Variants in CLVS1 observed in about 807,000 individuals in gnomAD.
The protein encoded by CLVS1 is clavesin-1.
A neutral mutation model predicts 33.1 loss-of-function variants in CLVS1; 10 were observed. The ratio of observed to expected loss-of-function variants is 0.30; its 90% CI spans 0.19 to 0.51. The LOEUF (loss-of-function observed/expected upper bound fraction) is 0.51, where lower values mean the gene tolerates loss of function less well. Among genes scored for constraint, CLVS1 ranks in the 20% least tolerant of loss-of-function variants. The pLI is 0.97. For missense variants in CLVS1, 343 were observed against 433.4 expected (o/e 0.79, Z 1.85); for synonymous variants, 163 against 166.1 (o/e 0.98, Z 0.14).
chr8:61,208,584 C>G (rs1031009974), intron 2 of CLVS1, among the ~76,000 whole-genome samples: 1 of 151,912 alleles, frequency 6.6e-6, no homozygotes, highest in Non-Finnish European at 1.5e-5. Flanking sequence ...ATTGACTGCA[C>G]CCCATTTTTT....
At chr8:61,359,488 TG>T (rs369706897) in intron 2 of CLVS1, among the ~76,000 whole-genome samples, 15 of 152,146 alleles carry the variant, frequency 9.9e-5, no homozygotes, top group African/African-American at 3.4e-4. Flanking sequence ...CCTGAGAAGC[TG>T]GGGTGATAGG....
intron 2 of CLVS1, among the ~76,000 whole-genome samples, chr8:61,323,094 T>C (rs1253885263): frequency 6.6e-6 from 1 of 152,174 alleles, no homozygotes; most frequent in African/African-American, 2.4e-5. Flanking sequence ...CTATTTCTTA[T>C]GATTCTGTAT....
chr8:60,992,280 T>C, the CLVS1 span, among the ~76,000 whole-genome samples: 6 of 152,228 alleles, frequency 3.9e-5, no homozygotes, highest in Non-Finnish European at 8.8e-5. Context: ...TCGTTTTTTT[T>C]CCTGTGTTCT....
At chr8:61,362,275 A>G (rs1430321609) in intron 2 of CLVS1, among the ~76,000 whole-genome samples, 1 of 152,204 alleles carries the variant, frequency 6.6e-6, no homozygotes, top group African/African-American at 2.4e-5. Context: ...CAAAGTGGAG[A>G]AGGGAAAGAA....
chr8:61,143,872 C>T (rs1160758457), intron 2 of CLVS1, among the ~76,000 whole-genome samples: 2 of 147,008 alleles, frequency 1.4e-5, no homozygotes, highest in Non-Finnish European at 3.0e-5. Context: ...ATAATATTCT[C>T]ATATTAAAAT....
chr8:61,162,201 T>A (rs1806766952), intron 2 of CLVS1, among the ~76,000 whole-genome samples: 2 of 152,262 alleles, frequency 1.3e-5, no homozygotes, highest in South Asian at 2.1e-4. Context: ...CCCCTCATTT[T>A]CTTCTCCCCT....
At chr8:61,096,646 C>G (rs1005206862) in intron 1 of CLVS1, among the ~76,000 whole-genome samples, 3 of 152,096 alleles carry the variant, frequency 2.0e-5, no homozygotes, top group East Asian at 1.9e-4. Flanking sequence ...GTTTTTCCCC[C>G]CTCTTATACC....
intron 3 of CLVS1, among the ~76,000 whole-genome samples, chr8:61,440,164 T>G (rs73685035): frequency 6.6e-6 from 1 of 152,200 alleles, no homozygotes; most frequent in Non-Finnish European, 1.5e-5. Flanking sequence ...TCTTGTATAT[T>G]GCTGCACCTC....
At chr8:61,304,945 G>A (rs1810569419) in intron 2 of CLVS1, among the ~76,000 whole-genome samples, 1 of 152,158 alleles carries the variant, frequency 6.6e-6, no homozygotes, top group African/African-American at 2.4e-5. Context: ...GGTGTCCAAA[G>A]GCCAAATAGA....
rs544134520 is a variant in CLVS1, at chr8:61,346,563, C to A, written c.456-30042C>A. On this transcript the variant is annotated intron_variant, in intron 2 of 5. Coordinates refer to ENST00000325897, the MANE Select transcript of CLVS1 (RefSeq NM_173519.3). ...ATGTATCTAATTAAAAGGCAGCACA[C>A]AATTAATTTCTGTTTGTTATCCCTT... Among the ~76,000 whole-genome samples, 7 of 152,268 alleles carry A rather than the reference C, an allele frequency of 4.6e-5. No individual in the cohort carries two copies. The South Asian group carries it at 8.3e-4, about 18-fold the overall frequency.
chr8:61,331,846 CCTCCTT>C (rs1195702458), intron 2 of CLVS1, among the ~76,000 whole-genome samples: 18 of 150,482 alleles, frequency 1.2e-4, no homozygotes, highest in African/African-American at 4.4e-4. Context: ...TCCTCCTCCT[CCTCCTT>C]CTTCTTCTCC....
intron 2 of CLVS1, among the ~76,000 whole-genome samples, chr8:61,143,379 A>T (rs1480594864): frequency 6.6e-6 from 1 of 152,098 alleles, no homozygotes. Flanking sequence ...AAGCATGCGC[A>T]CTTTGATTTT....
chr8:61,250,514 G>C (rs1354844536), intron 2 of CLVS1, among the ~76,000 whole-genome samples: 1 of 152,142 alleles, frequency 6.6e-6, no homozygotes. Flanking sequence ...GGGCAGTATG[G>C]CCATTTTCAT....
chr8:61,353,906 A>G (rs1812578277), intron 2 of CLVS1, among the ~76,000 whole-genome samples: 1 of 151,990 alleles, frequency 6.6e-6, no homozygotes. Context: ...AGTAGGTGAT[A>G]TCACTACAGA....
chr8:61,499,503 A>C lies in CLVS1; in HGVS notation c.1026A>C (p.Gly342=). ...EAGTLKHEEK[G]ENENTQPLLA... The stretch of plus-strand genomic sequence containing the variant: ...GGACCCTGAAACATGAGGAGAAGGG[A>C]GAGAATGAGAACACCCAGCCACTCC... The change falls in exon 6 of 6, where the codon GGA becomes GGC. Residue 342 remains glycine, a synonymous_variant. Transcript: ENST00000325897. The C allele has an allele frequency of 6.2e-7, 1 of 1,613,846 alleles. No homozygotes were observed. The highest frequency in any genetic ancestry group is 1.1e-5 in the South Asian group (1 of 91,078).
At chr8:61,410,856 G>A (rs1177886046) in intron 3 of CLVS1, among the ~76,000 whole-genome samples, 1 of 152,134 alleles carries the variant, frequency 6.6e-6, no homozygotes, top group Non-Finnish European at 1.5e-5. Context: ...TGGCCAGGCT[G>A]GTCTTGAACT....
At chr8:61,156,313 A>C (rs926406364) in intron 2 of CLVS1, among the ~76,000 whole-genome samples, 6 of 148,682 alleles carry the variant, frequency 4.0e-5, no homozygotes, top group Non-Finnish European at 8.9e-5. Flanking sequence ...GCCCCTATTC[A>C]TTCTGTAACC....
Position 61,406,619 on chromosome 8 carries a change from G to T in CLVS1, c.630+29840G>T, listed in dbSNP as rs564681966. ...TTTGACATAGATTTGTTTTTTTTGT[G>T]GGGGGGGGGATGGAGTCTTGCTCTG... On this transcript the variant is annotated intron_variant, in intron 3 of 5. Transcript: ENST00000325897. Among the ~76,000 whole-genome samples, 272 of 129,504 alleles carry T rather than the reference G, an allele frequency of 2.1e-3. 1 individual carries two copies. The highest frequency in any genetic ancestry group is 6.7e-3 in the African/African-American group (192 of 28,560). 85.0% of individuals were successfully genotyped at this position (129,504 alleles called of 152,430 possible). A position where few individuals can be genotyped will look rare whatever the true frequency, so the allele number is the denominator to read the frequency against.
intron 3 of CLVS1, among the ~76,000 whole-genome samples, chr8:61,390,243 G>A (rs1352838380): frequency 1.3e-5 from 2 of 152,162 alleles, no homozygotes; most frequent in Non-Finnish European, 2.9e-5. Flanking sequence ...TCACTTTACA[G>A]TAAACAGCTT....
Sources: gnomAD v4.1 joint callset for allele counts (sites outside exome capture counted in the v4.1 genomes callset) on GRCh38, gnomAD v4.1.1 for gene constraint, MANE v1.5 for transcripts, NCBI Gene and HGNC (gene_info 2026-07-23, HGNC 2026-07-21) for gene names.